PLEKHA8: variants seen among roughly 807,000 people sequenced by gnomAD.
PLEKHA8 encodes the protein pleckstrin homology domain containing A8, also known as pleckstrin homology domain-containing family A member 8.
PLEKHA8 carries 36 observed loss-of-function variants against 68.2 expected under a neutral mutation model. The ratio of observed to expected loss-of-function variants is 0.53; its 90% CI spans 0.40 to 0.70. The LOEUF is 0.70. Among genes scored for constraint, PLEKHA8 ranks in the 30% least tolerant of loss-of-function variants. The pLI is 0.00. For missense variants in PLEKHA8, 505 were observed against 615.4 expected, an observed-to-expected ratio of 0.82 and a Z score of 1.90; for synonymous variants, 211 against 216.1, an observed-to-expected ratio of 0.98 and a Z score of 0.20.
At chr7:30,040,389 C>T (rs1791438878) in intron 1 of PLEKHA8, among the ~76,000 whole-genome samples, 1 of 152,178 alleles carries the variant, frequency 6.6e-6, no homozygotes, top group African/African-American at 2.4e-5. Context: ...CTGCTGCAGG[C>T]AGCTGCAGGC....
intron 13 of PLEKHA8, among the ~76,000 whole-genome samples, chr7:30,127,797 C>G (rs978728072): frequency 2.0e-5 from 3 of 152,194 alleles, no homozygotes; most frequent in African/African-American, 7.2e-5. Context: ...TGGATATTAA[C>G]CAATTTTACA....
chr7:30,114,952 CTT>C (rs962165954), intron 13 of PLEKHA8, among the ~76,000 whole-genome samples: 1 of 152,092 alleles, frequency 6.6e-6, no homozygotes, highest in Non-Finnish European at 1.5e-5. Context: ...CATATAAATT[CTT>C]TTTTGTCTCT....
chr7:30,035,491 G>A lies in PLEKHA8; in HGVS notation c.40+6689G>A, dbSNP rs1201353623. Among the ~76,000 whole-genome samples, 3 of 152,036 alleles carry A rather than the reference G, an allele frequency of 2.0e-5. No individual in the cohort carries two copies. In the East Asian group the frequency reaches 5.8e-4, roughly 29 times the overall value. On this transcript the variant is annotated intron_variant, in intron 1 of 13. Coordinates refer to ENST00000449726, the MANE Select transcript of PLEKHA8 (RefSeq NM_001197026.2). ...ATTCAGCTTTCTATTTGCAAATTGT[G>A]GTTCCTCATGGATTCTTTTTCATAT...
In PLEKHA8 at chr7:30,049,121, G is replaced by A. The variant is rs1792195493; in HGVS notation, c.439-103G>A. 9 of 1,348,936 alleles carry A rather than the reference G, an allele frequency of 6.7e-6. No individual in the cohort carries two copies. In the South Asian group the frequency reaches 9.6e-5, roughly 14 times the overall value. The allele number at this position is 1,348,936 out of a possible 1,614,324, so 83.6% of individuals were successfully genotyped here. ...CTGATGTACATATTTCAGCAGGTGG[G>A]TACATTATTATTATTTTGTGGGCAA... On this transcript the variant is annotated intron_variant, in intron 4 of 13. Transcript: ENST00000449726.
chr7:30,118,857 C>T (rs1796649915), intron 13 of PLEKHA8, among the ~76,000 whole-genome samples: 2 of 152,252 alleles, frequency 1.3e-5, no homozygotes, highest in Non-Finnish European at 2.9e-5. Context: ...GTCTCCCATT[C>T]ATCTGACAGA....
In PLEKHA8 at chr7:30,081,548, TTCTC is replaced by T; in HGVS notation, c.*2764_*2767del. The stretch of plus-strand genomic sequence containing the variant: ...GCAATGAGAAAAGATATTTAAAGCT[TTCTC>T]TCCATAGCCCTCCAAGACTTCTGGG... On this transcript the variant is annotated 3_prime_UTR_variant, in exon 14 of 14. Coordinates refer to ENST00000449726, the MANE Select transcript of PLEKHA8 (RefSeq NM_001197026.2). 1.0e-6 allele frequency: 1 copy of T among 985,006 alleles called. No individual in the cohort carries two copies. Among genetic ancestry groups the T allele is most frequent in the Non-Finnish European group, 1.2e-6 (1 of 829,556 alleles). 61.0% of individuals were successfully genotyped at this position (985,006 alleles called of 1,614,324 possible). A position where few individuals can be genotyped will look rare whatever the true frequency, so the allele number is the denominator to read the frequency against.
At chr7:30,124,810 C>A (rs2128025780) in intron 13 of PLEKHA8, among the ~76,000 whole-genome samples, 1 of 151,940 alleles carries the variant, frequency 6.6e-6, no homozygotes, top group East Asian at 1.9e-4. Flanking sequence ...TTTTGTGACT[C>A]AAATAAGTAA....
chr7:30,087,214 C>G (rs1353919013), downstream of PLEKHA8, among the ~76,000 whole-genome samples: 1 of 152,186 alleles, frequency 6.6e-6, no homozygotes, highest in African/African-American at 2.4e-5. Flanking sequence ...CTCATCCTCC[C>G]CTTCCCTTGA....
At chr7:30,053,110 G>A (rs1162130971) in intron 7 of PLEKHA8, among the ~76,000 whole-genome samples, 1 of 152,202 alleles carries the variant, frequency 6.6e-6, no homozygotes, top group Admixed American at 6.5e-5. Context: ...TGTGTTCATG[G>A]GCTGCAGTGA....
Position 30,028,928 on chromosome 7 carries a change from G to A in PLEKHA8, c.40+126G>A, listed in dbSNP as rs1790430367. 5 of 1,071,892 alleles carry A rather than the reference G, an allele frequency of 4.7e-6. No homozygotes were observed. In the East Asian group the frequency reaches 1.6e-4, roughly 35 times the overall value. 66.4% of individuals were successfully genotyped at this position (1,071,892 alleles called of 1,614,324 possible). On this transcript the variant is annotated intron_variant, in intron 1 of 13. Transcript: ENST00000449726. ...CCTTTCCTGAGGCCAGCGCGGAGCGGGAGTATTTCCCAAAGCAGTTCTCTC... is the reference window on the plus strand; with the variant it reads ...CCTTTCCTGAGGCCAGCGCGGAGCGAGAGTATTTCCCAAAGCAGTTCTCTC...
rs925432521 is a variant in PLEKHA8, at chr7:30,074,930, G to A, written c.1362+798G>A. 4 of 152,094 alleles carry A rather than the reference G, an allele frequency of 2.6e-5. No individual in the cohort carries two copies. In the East Asian group the frequency reaches 5.8e-4, roughly 22 times the overall value. The allele number at this position is 152,094 out of a possible 1,614,324, so 9.4% of individuals were successfully genotyped here. A position where few individuals can be genotyped will look rare whatever the true frequency, so the allele number is the denominator to read the frequency against. On this transcript the variant is annotated intron_variant, in intron 13 of 13. Coordinates refer to ENST00000449726, the MANE Select transcript of PLEKHA8 (RefSeq NM_001197026.2). ...CTTTATAAAATAGCAGGAGTAGATGGCTCCTTTATGTCAGCAATACACTCT... is the reference window on the plus strand; with the variant it reads ...CTTTATAAAATAGCAGGAGTAGATGACTCCTTTATGTCAGCAATACACTCT...
chr7:30,081,011 A>G lies in PLEKHA8; in HGVS notation c.*2224A>G. 2 of 985,388 alleles carry G rather than the reference A, an allele frequency of 2.0e-6. No individual in the cohort carries two copies. The highest frequency in any genetic ancestry group is 2.4e-6 in the Non-Finnish European group (2 of 829,910). 61.0% of individuals were successfully genotyped at this position (985,388 alleles called of 1,614,324 possible). Reference sequence around the variant, plus strand: ...GAACTCTGTGGTCTCTTGGAGAGGTAGCACTCTGAAAATACCTCAGGTTTG... The same window carrying G: ...GAACTCTGTGGTCTCTTGGAGAGGTGGCACTCTGAAAATACCTCAGGTTTG... On this transcript the variant is annotated 3_prime_UTR_variant, in exon 14 of 14. Transcript: ENST00000449726.
chr7:30,102,555 A>G (rs1198943294), intron 13 of PLEKHA8, among the ~76,000 whole-genome samples: 3 of 152,258 alleles, frequency 2.0e-5, no homozygotes, highest in African/African-American at 4.8e-5. Context: ...AGTAAACAAA[A>G]TGTGGTATAT....
rs368764235 is a variant in PLEKHA8, at chr7:30,043,470, A to G, written c.41-1615A>G. Reference sequence around the variant, plus strand: ...AAAATATAATAAGAGCAAAAGCCATAGTTTAAGAAAAGATTACTTATCTTT... The same window carrying G: ...AAAATATAATAAGAGCAAAAGCCATGGTTTAAGAAAAGATTACTTATCTTT... On this transcript the variant is annotated intron_variant, in intron 1 of 13. Coordinates refer to ENST00000449726, the MANE Select transcript of PLEKHA8 (RefSeq NM_001197026.2). Among the ~76,000 whole-genome samples the G allele has an allele frequency of 4.6e-4, 70 of 152,320 alleles. 1 individual carries two copies. Among genetic ancestry groups the G allele is most frequent in the African/African-American group, 1.5e-3 (64 of 41,564 alleles).
At position 30,033,075 on chromosome 7, in the gene PLEKHA8, T is replaced by C. The variant is rs116997288; in HGVS notation, c.40+4273T>C. Reference sequence around the variant, plus strand: ...GTGTAAACAGTACCAGGAAGACATCTGGAGTATGAGGATTCTTGGTTTCAC... The same window carrying C: ...GTGTAAACAGTACCAGGAAGACATCCGGAGTATGAGGATTCTTGGTTTCAC... On this transcript the variant is annotated intron_variant, in intron 1 of 13. Coordinates refer to ENST00000449726, the MANE Select transcript of PLEKHA8 (RefSeq NM_001197026.2). 2.3e-3 allele frequency among the ~76,000 whole-genome samples: 347 copies of C among 152,372 alleles called. 7 individuals carry two copies. The East Asian group carries it at 0.055, about 24-fold the overall frequency.
At chr7:30,045,249 C>T (rs776628259) in intron 2 of PLEKHA8, 48 bp downstream of exon 2, 9 of 1,457,402 alleles carry the variant, frequency 6.2e-6, no homozygotes, top group Non-Finnish European at 4.7e-6. Context: ...TCTGTTTTCC[C>T]TCAAAAACAA....
In PLEKHA8 at chr7:30,079,269, G is replaced by A; in HGVS notation, c.*482G>A. 1.0e-6 allele frequency: 1 copy of A among 989,476 alleles called. No homozygotes were observed. Among genetic ancestry groups the A allele is most frequent in the Non-Finnish European group, 1.2e-6 (1 of 832,618 alleles). 61.3% of individuals were successfully genotyped at this position (989,476 alleles called of 1,614,324 possible). ...GTTTGCTGTTCCTAGATGTTCTTCA[G>A]TGGACCCTCTTCACTGCAACTCTGT... On this transcript the variant is annotated 3_prime_UTR_variant, in exon 14 of 14. Transcript: ENST00000449726.
At chr7:30,122,416 G>T (rs1796710028) in intron 13 of PLEKHA8, among the ~76,000 whole-genome samples, 1 of 152,090 alleles carries the variant, frequency 6.6e-6, no homozygotes. Context: ...CTTGCAAGAA[G>T]TTGTTTTTTA....
intron 13 of PLEKHA8, among the ~76,000 whole-genome samples, chr7:30,111,094 G>A (rs968691247): frequency 2.6e-5 from 4 of 151,724 alleles, no homozygotes; most frequent in South Asian, 2.1e-4. Context: ...TAGTAGAGAC[G>A]GAGTTTCATC....
Sources: allele counts gnomAD v4.1 joint callset (sites outside exome capture counted in the v4.1 genomes callset), GRCh38; gene constraint gnomAD v4.1.1; transcripts MANE v1.5; gene names NCBI Gene and HGNC (gene_info 2026-07-23, HGNC 2026-07-21).